ARHGAP22: variants seen among roughly 807,000 people sequenced by gnomAD.
ARHGAP22 encodes Rho GTPase activating protein 22.
A neutral mutation model predicts 59.1 loss-of-function variants in ARHGAP22; 48 were observed. The observed-to-expected ratio is 0.81, with a 90% CI of 0.64 to 1.03. The LOEUF (loss-of-function observed/expected upper bound fraction) is 1.03. ARHGAP22 is among the 50% of genes least tolerant of loss of function. The pLI is 0.00. For synonymous variants in ARHGAP22, 445 were observed against 416.4 expected (o/e 1.07, Z -0.84); for missense variants, 1,015 against 958.7 (o/e 1.06, Z -0.78).
intron 2 of ARHGAP22, among the ~76,000 whole-genome samples, chr10:48,580,042 T>C (rs758454019): frequency 2.0e-4 from 31 of 152,110 alleles, no homozygotes; most frequent in Admixed American, 1.3e-3. Flanking sequence ...AGAAGTTTTA[T>C]TGTCCCAAGA....
At chr10:48,512,245 C>T (rs2052849275) in intron 3 of ARHGAP22, among the ~76,000 whole-genome samples, 1 of 152,216 alleles carries the variant, frequency 6.6e-6, no homozygotes, top group African/African-American at 2.4e-5. Context: ...TCAAAGTGCA[C>T]ACCGGCTTCT....
At chr10:48,471,853 A>G (rs941823243) in intron 4 of ARHGAP22, among the ~76,000 whole-genome samples, 1 of 152,180 alleles carries the variant, frequency 6.6e-6, no homozygotes, top group African/African-American at 2.4e-5. Flanking sequence ...CTCTTAAATG[A>G]TGTATTACAT....
Position 48,583,009 on chromosome 10 carries a change from C to A in ARHGAP22, c.178G>T (p.Val60Leu), listed in dbSNP as rs751009864. Residue 60 changes from valine to leucine, a missense_variant, in exon 2 of 10, where the codon GTG becomes TTG. Val to Leu is a conservative substitution (Grantham distance 32). Transcript: ENST00000249601. ...IMKNWQQRWF[V>L]LRGDQLFYYK... ...TAGAAAAGCTGATCCCCACGCAGCACAAACCAGCGCTGCTGCCAGTTCTTC... is the reference window on the plus strand; with the variant it reads ...TAGAAAAGCTGATCCCCACGCAGCAAAAACCAGCGCTGCTGCCAGTTCTTC... The A allele has an allele frequency of 6.2e-7, 1 of 1,614,156 alleles. No homozygotes were observed. The highest frequency in any genetic ancestry group is 1.3e-5 in the African/African-American group (1 of 74,954).
At chr10:48,636,536 C>A (rs1448957797) in intron 1 of ARHGAP22, among the ~76,000 whole-genome samples, 1 of 152,214 alleles carries the variant, frequency 6.6e-6, no homozygotes, top group Non-Finnish European at 1.5e-5. Flanking sequence ...CATCGGGGTC[C>A]TCCTGTTTCT....
At chr10:48,452,046 C>T (rs558456929) in intron 8 of ARHGAP22, among the ~76,000 whole-genome samples, 19 of 152,100 alleles carry the variant, frequency 1.2e-4, no homozygotes, top group Non-Finnish European at 2.5e-4. Flanking sequence ...ACCCTGCTCA[C>T]CCCCCAGAAT....
chr10:48,570,935 C>A (rs1430002704), intron 2 of ARHGAP22, among the ~76,000 whole-genome samples: 1 of 152,240 alleles, frequency 6.6e-6, no homozygotes, highest in Non-Finnish European at 1.5e-5. Flanking sequence ...AACTGCCCTG[C>A]TCTGGCCAGA....
At chr10:48,606,369 T>C (rs961800310), upstream of ARHGAP22, among the ~76,000 whole-genome samples, 3 of 152,118 alleles carry the variant, frequency 2.0e-5, no homozygotes, top group Admixed American at 6.5e-5. Context: ...CAGGATGTGG[T>C]GAGCCACATG....
chr10:48,490,713 C>G (rs80329278), intron 3 of ARHGAP22, among the ~76,000 whole-genome samples: 5 of 152,196 alleles, frequency 3.3e-5, no homozygotes, highest in Non-Finnish European at 7.3e-5. Flanking sequence ...TGACCCCAGT[C>G]TCCCTGGTGG....
chr10:48,442,946 G>T (rs1039344690), downstream of ARHGAP22, among the ~76,000 whole-genome samples: 2 of 152,152 alleles, frequency 1.3e-5, no homozygotes, highest in African/African-American at 4.8e-5. Context: ...TTGGAGTGGG[G>T]TCATCAAGCC....
chr10:48,586,110 TG>T (rs2135686303), intron 1 of ARHGAP22, among the ~76,000 whole-genome samples: 1 of 152,326 alleles, frequency 6.6e-6, no homozygotes, highest in Non-Finnish European at 1.5e-5. Context: ...TTTATATCTA[TG>T]GCTGGTTATT....
At chr10:48,455,762 G>A (rs2046436236) in intron 5 of ARHGAP22, among the ~76,000 whole-genome samples, 1 of 152,232 alleles carries the variant, frequency 6.6e-6, no homozygotes, top group South Asian at 2.1e-4. Context: ...TGGCTGGAGT[G>A]GGAGGAGCTG....
chr10:48,430,098 G>T, the ARHGAP22 span: 1 of 152,094 alleles, frequency 6.6e-6, no homozygotes, highest in South Asian at 2.1e-4. Context: ...GTTTGTTTTT[G>T]TTTTTTTGTT....
Position 48,446,598 on chromosome 10 carries a change from G to A in ARHGAP22, c.1890C>T (p.Asp630=). The A allele has an allele frequency of 1.9e-6, 3 of 1,614,044 alleles. No homozygotes were observed. The highest frequency in any genetic ancestry group is 2.2e-5 in the South Asian group (2 of 91,068). ...SVKRIEEGSA[D]LRKRMSRLEE... ...CTAACCGGGACATTCGTTTTCTCAGGTCAGCACTCCCTTCTTCGATTCTGA... is the reference window on the plus strand; with the variant it reads ...CTAACCGGGACATTCGTTTTCTCAGATCAGCACTCCCTTCTTCGATTCTGA... The change falls in exon 10 of 10, where the codon GAC becomes GAT. Residue 630 remains aspartate, a synonymous_variant. Transcript: ENST00000249601.
At chr10:48,526,275 G>T (rs1431938156) in intron 3 of ARHGAP22, among the ~76,000 whole-genome samples, 1 of 152,192 alleles carries the variant, frequency 6.6e-6, no homozygotes, top group Non-Finnish European at 1.5e-5. Flanking sequence ...TTTCCCAGGA[G>T]TTAAGTCTTC....
chr10:48,521,503 T>C (rs566689402), intron 3 of ARHGAP22, among the ~76,000 whole-genome samples: 26 of 152,358 alleles, frequency 1.7e-4, no homozygotes, highest in Admixed American at 1.3e-4. Flanking sequence ...AAATGTTCTG[T>C]TGTAAGAGTT....
chr10:48,458,253 C>T (rs2046766804), intron 5 of ARHGAP22, among the ~76,000 whole-genome samples: 1 of 152,074 alleles, frequency 6.6e-6, no homozygotes, highest in Non-Finnish European at 1.5e-5. Context: ...AGAAGGCAGA[C>T]AGGGGAGGGC....
chr10:48,506,208 G>A (rs554883754), intron 3 of ARHGAP22, among the ~76,000 whole-genome samples: 5 of 152,330 alleles, frequency 3.3e-5, no homozygotes, highest in African/African-American at 1.2e-4. Flanking sequence ...CTTAGTGACA[G>A]GGATACGTTC....
rs867319136 is a variant in ARHGAP22, at chr10:48,635,480, G to A, written c.52+16754C>T. Among the ~76,000 whole-genome samples the A allele has an allele frequency of 5.8e-4, 88 of 152,286 alleles. 1 individual carries two copies. The highest frequency in any genetic ancestry group is 1.9e-3 in the African/African-American group (78 of 41,558). ...TTCCCGCTCCAGGCTCTCAGCCCTCGGCTTTCTCTGAAGCCACAGGGACCC... is the reference window on the plus strand; with the variant it reads ...TTCCCGCTCCAGGCTCTCAGCCCTCAGCTTTCTCTGAAGCCACAGGGACCC... On this transcript the variant is annotated intron_variant, in intron 1 of 9. Coordinates refer to the ARHGAP22 transcript ENST00000435790.
intron 3 of ARHGAP22, among the ~76,000 whole-genome samples, chr10:48,500,337 T>TCAAAACAAAACAAAA (rs57914169): frequency 5.3e-4 from 79 of 149,032 alleles, no homozygotes; most frequent in African/African-American, 1.8e-3. Context: ...AGACTCTATC[T>TCAAAACAAAACAAAA]CAAAACAAAA....
Sources: gnomAD v4.1 joint callset for allele counts (sites outside exome capture counted in the v4.1 genomes callset) on GRCh38, gnomAD v4.1.1 for gene constraint, MANE v1.5 for transcripts, NCBI Gene and HGNC (gene_info 2026-07-23, HGNC 2026-07-21) for gene names.